The following CDK8 variants were observed in gnomAD, a reference collection of about 807,000 sequenced individuals.
The protein encoded by CDK8 is cyclin-dependent kinase 8.
Under a neutral mutation model 71.5 loss-of-function variants are expected in CDK8, and 29 were observed. That is an observed-to-expected ratio of 0.41 (90% confidence interval 0.30 to 0.55). The LOEUF (loss-of-function observed/expected upper bound fraction) is 0.55. Ranked by LOEUF, CDK8 falls within the 20% of genes least tolerant of loss-of-function variation. The pLI, the probability that CDK8 is intolerant of heterozygous loss-of-function variation, is 0.37. For missense variants in CDK8, 288 were observed against 572.6 expected (o/e 0.50, Z 5.07); for synonymous variants, 161 against 192.1 (o/e 0.84, Z 1.34).
intron 1 of CDK8, among the ~76,000 whole-genome samples, chr13:26,288,178 G>C (rs1232231530): frequency 6.6e-6 from 1 of 152,164 alleles, no homozygotes; most frequent in African/African-American, 2.4e-5. Context: ...TGGCCAGGCT[G>C]ATCTTGAATT....
intron 1 of CDK8, among the ~76,000 whole-genome samples, chr13:26,262,388 G>A (rs1871808637): frequency 7.0e-6 from 1 of 142,682 alleles, no homozygotes; most frequent in Admixed American, 6.6e-5. Flanking sequence ...GTACTTTTGT[G>A]TATGTGTGTG....
chr13:26,267,635 C>G (rs964472024), intron 1 of CDK8, among the ~76,000 whole-genome samples: 2 of 152,114 alleles, frequency 1.3e-5, no homozygotes, highest in Admixed American at 6.5e-5. Flanking sequence ...TTTTGGAGAT[C>G]TATATCAGCA....
At chr13:26,362,261 TGG>T (rs1156979823) in intron 4 of CDK8, among the ~76,000 whole-genome samples, 157 of 151,770 alleles carry the variant, frequency 1.0e-3, no homozygotes, top group African/African-American at 3.6e-3. Flanking sequence ...GATGGATGGA[TGG>T]ATGGATAGAT....
chr13:26,386,529 C>T (rs778631967), intron 6 of CDK8, among the ~76,000 whole-genome samples: 5 of 152,180 alleles, frequency 3.3e-5, no homozygotes, highest in Non-Finnish European at 7.4e-5. Context: ...TCTACCACTT[C>T]ATCCTGCCTT....
chr13:26,327,006 A>G (rs972769527), intron 1 of CDK8, among the ~76,000 whole-genome samples: 4 of 152,210 alleles, frequency 2.6e-5, no homozygotes, highest in Admixed American at 6.5e-5. Flanking sequence ...TGACAAATCT[A>G]CGTGGCCCTT....
At chr13:26,309,122 T>G (rs1874170299) in intron 1 of CDK8, among the ~76,000 whole-genome samples, 1 of 150,540 alleles carries the variant, frequency 6.6e-6, no homozygotes, top group Non-Finnish European at 1.5e-5. Context: ...TCATTATATC[T>G]ATATATGTAT....
At chr13:26,338,572 A>G (rs1444655545) in intron 2 of CDK8, among the ~76,000 whole-genome samples, 1 of 152,132 alleles carries the variant, frequency 6.6e-6, no homozygotes, top group Non-Finnish European at 1.5e-5. Flanking sequence ...TTGGGAACGA[A>G]TGTAAGAATT....
intron 1 of CDK8, among the ~76,000 whole-genome samples, chr13:26,309,101 CATT>C (rs1419973437): frequency 2.6e-5 from 4 of 151,898 alleles, no homozygotes; most frequent in Admixed American, 2.6e-4. Context: ...CACCTCCTGT[CATT>C]ATCATCATCA....
At chr13:26,263,221 C>T (rs542460118) in intron 1 of CDK8, among the ~76,000 whole-genome samples, 6 of 152,240 alleles carry the variant, frequency 3.9e-5, no homozygotes, top group East Asian at 3.9e-4. Flanking sequence ...CTGCTAGCTC[C>T]GCTTCCCGGG....
intron 4 of CDK8, among the ~76,000 whole-genome samples, chr13:26,369,782 T>C (rs1874578391): frequency 1.3e-5 from 2 of 148,188 alleles, no homozygotes; most frequent in African/African-American, 5.0e-5. Flanking sequence ...GGTCTCGATC[T>C]CCTGACCTCC....
chr13:26,336,930 C>T (rs1398276623), intron 1 of CDK8, among the ~76,000 whole-genome samples: 2 of 152,078 alleles, frequency 1.3e-5, no homozygotes, highest in African/African-American at 4.8e-5. Context: ...CATATCATAG[C>T]ACTTATCATA....
chr13:26,392,324 C>CT (rs5802374), intron 6 of CDK8, among the ~76,000 whole-genome samples: 7,752 of 100,362 alleles, frequency 0.077, 634 homozygotes, highest in African/African-American at 0.18. Flanking sequence ...ATTTATAACC[C>CT]TTTTTTTTTT....
At chr13:26,290,764 G>A (rs1245723091) in intron 1 of CDK8, among the ~76,000 whole-genome samples, 1 of 152,000 alleles carries the variant, frequency 6.6e-6, no homozygotes, top group Non-Finnish European at 1.5e-5. Flanking sequence ...GTCATGATCA[G>A]GCAATCAAAA....
chr13:26,258,586 G>A (rs2137849054), intron 1 of CDK8, among the ~76,000 whole-genome samples: 1 of 151,952 alleles, frequency 6.6e-6, no homozygotes, highest in Middle Eastern at 3.4e-3. Context: ...GAGCGATCCT[G>A]GAAACCTGAA....
chr13:26,372,891 A>AT (rs1593296232), intron 4 of CDK8, among the ~76,000 whole-genome samples: 2 of 152,116 alleles, frequency 1.3e-5, no homozygotes, highest in African/African-American at 2.4e-5. Context: ...TAAAAGGAGC[A>AT]TTTTTTCTGC....
At chr13:26,283,857 C>A (rs1324353585) in intron 1 of CDK8, among the ~76,000 whole-genome samples, 1 of 150,224 alleles carries the variant, frequency 6.7e-6, no homozygotes, top group Non-Finnish European at 1.5e-5. Flanking sequence ...GAGATCATGC[C>A]ACTGCACTGC....
intron 2 of CDK8, among the ~76,000 whole-genome samples, chr13:26,341,760 G>A (rs1238508759): frequency 1.3e-5 from 2 of 151,980 alleles, no homozygotes; most frequent in South Asian, 2.1e-4. Context: ...ATGTGATACT[G>A]TATGTAACAG....
At chr13:26,365,522 A>G (rs1874347515) in intron 4 of CDK8, among the ~76,000 whole-genome samples, 1 of 152,160 alleles carries the variant, frequency 6.6e-6, no homozygotes, top group South Asian at 2.1e-4. Context: ...TGGTTTGCAT[A>G]TTACTTAGAC....
chr13:26,291,967 G>A (rs1325959150), intron 1 of CDK8, among the ~76,000 whole-genome samples: 3 of 152,084 alleles, frequency 2.0e-5, no homozygotes, highest in East Asian at 3.9e-4. Context: ...CACATTTTTC[G>A]AGTCTTTGCA....
Sources: allele counts gnomAD v4.1 joint callset (sites outside exome capture counted in the v4.1 genomes callset), GRCh38; gene constraint gnomAD v4.1.1; transcripts MANE v1.5; gene names NCBI Gene and HGNC (gene_info 2026-07-23, HGNC 2026-07-21).